Variants in RAI14 observed in about 807,000 individuals in gnomAD.
RAI14 encodes the protein ankycorbin.
A neutral mutation model predicts 115.4 loss-of-function variants in RAI14; 45 were observed. The ratio of observed to expected loss-of-function variants is 0.39; its 90% CI spans 0.31 to 0.50. The LOEUF is 0.50. Among genes scored for constraint, RAI14 ranks in the 20% least tolerant of loss-of-function variants. The pLI is 0.85. For synonymous variants in RAI14, 371 were observed against 415.4 expected, an observed-to-expected ratio of 0.89 and a Z score of 1.30; for missense variants, 939 against 1,131.2, an observed-to-expected ratio of 0.83 and a Z score of 2.44.
At chr5:34,656,806 G>T in intron 1 of RAI14, 1 of 153,044 alleles carries the variant, frequency 6.5e-6, no homozygotes, top group South Asian at 1.9e-4. Context: ...CAGGGGCCGC[G>T]GCGGAGGGAG....
intron 12 of RAI14, among the ~76,000 whole-genome samples, chr5:34,817,072 T>TCGAGA (rs757212878): frequency 6.6e-6 from 1 of 151,818 alleles, no homozygotes; most frequent in East Asian, 1.9e-4. Flanking sequence ...GGTCAGGAGA[T>TCGAGA]CGAGACCGTC....
At chr5:34,804,941 T>A (rs1490031413) in intron 5 of RAI14, among the ~76,000 whole-genome samples, 1 of 152,202 alleles carries the variant, frequency 6.6e-6, no homozygotes, top group African/African-American at 2.4e-5. Flanking sequence ...ACTTTGCATC[T>A]GACTCTGATT....
chr5:34,789,625 G>A (rs1561365940), intron 3 of RAI14, among the ~76,000 whole-genome samples: 2 of 152,148 alleles, frequency 1.3e-5, no homozygotes, highest in Non-Finnish European at 2.9e-5. Flanking sequence ...AAGCAGTGGT[G>A]GTTCTGATTT....
intron 3 of RAI14, among the ~76,000 whole-genome samples, chr5:34,758,116 C>T (rs1271236163): frequency 2.0e-5 from 3 of 152,170 alleles, no homozygotes. Flanking sequence ...TTGTTTATAT[C>T]CATTCTTACG....
chr5:34,733,716 A>G (rs1181672259), intron 2 of RAI14, among the ~76,000 whole-genome samples: 1 of 152,164 alleles, frequency 6.6e-6, no homozygotes, highest in Non-Finnish European at 1.5e-5. Context: ...TTGGGGACAG[A>G]GAGGAAGCAC....
At chr5:34,786,220 T>TG (rs1022452666) in intron 3 of RAI14, among the ~76,000 whole-genome samples, 9 of 152,244 alleles carry the variant, frequency 5.9e-5, no homozygotes, top group Admixed American at 2.6e-4. Flanking sequence ...CCTGTTGATC[T>TG]GGGGGGGTGT....
At chr5:34,758,161 G>A (rs1412577683) in intron 3 of RAI14, among the ~76,000 whole-genome samples, 1 of 152,190 alleles carries the variant, frequency 6.6e-6, no homozygotes, top group Admixed American at 6.5e-5. Flanking sequence ...TGACTTTGGA[G>A]CCAGATAGAC....
chr5:34,679,670 C>T lies in RAI14; in HGVS notation c.-48-7202C>T, dbSNP rs768084772. On this transcript the variant is annotated intron_variant, in intron 1 of 17. Coordinates refer to ENST00000265109, the MANE Select transcript of RAI14 (RefSeq NM_015577.3). ...TCAGCATCTTCAGGTAGGCTTAGCA[C>T]GTGACTGGGGGGATGCTGCACAAGG... is the stretch of plus-strand genomic sequence containing the variant. Among the ~76,000 whole-genome samples, 24 of 151,950 alleles carry T rather than the reference C, an allele frequency of 1.6e-4. 1 individual carries two copies. In the South Asian group the frequency reaches 4.6e-3, roughly 29 times the overall value.
chr5:34,661,424 T>A (rs1167581738), intron 1 of RAI14, among the ~76,000 whole-genome samples: 2 of 152,182 alleles, frequency 1.3e-5, no homozygotes, highest in Non-Finnish European at 2.9e-5. Context: ...CAAATGGATA[T>A]GCTTTTTGTT....
chr5:34,657,242 G>C (rs1489172194), intron 1 of RAI14: 1 of 148,566 alleles, frequency 6.7e-6, no homozygotes, highest in Non-Finnish European at 1.5e-5. Context: ...GCCTGGTGGG[G>C]GGTGGGGGGT....
chr5:34,778,055 T>G (rs1314356926), intron 3 of RAI14, among the ~76,000 whole-genome samples: 4 of 152,200 alleles, frequency 2.6e-5, no homozygotes, highest in African/African-American at 9.7e-5. Context: ...GTGATGGATA[T>G]CCCAAATGCT....
chr5:34,704,976 T>G (rs1298268435), intron 2 of RAI14, among the ~76,000 whole-genome samples: 1 of 152,200 alleles, frequency 6.6e-6, no homozygotes, highest in Non-Finnish European at 1.5e-5. Context: ...TTCTTTCTTT[T>G]AGAGACAGGG....
intron 4 of RAI14, among the ~76,000 whole-genome samples, chr5:34,802,046 GA>G (rs936012776): frequency 2.7e-5 from 4 of 148,064 alleles, no homozygotes; most frequent in South Asian, 4.2e-4. Context: ...CCTGGGCTCA[GA>G]AAAAAAAAAG....
intron 2 of RAI14, among the ~76,000 whole-genome samples, chr5:34,750,403 G>A (rs1023789395): frequency 6.6e-6 from 1 of 152,108 alleles, no homozygotes; most frequent in Non-Finnish European, 1.5e-5. Flanking sequence ...GTCTGTAACT[G>A]TACCAGATTC....
At chr5:34,662,156 C>T (rs1438235485) in intron 1 of RAI14, among the ~76,000 whole-genome samples, 1 of 152,086 alleles carries the variant, frequency 6.6e-6, no homozygotes, top group East Asian at 1.9e-4. Context: ...TCATCATTGC[C>T]CTGACTTTGT....
At chr5:34,776,009 GAAGCAAC>G (rs1308471257) in intron 3 of RAI14, among the ~76,000 whole-genome samples, 6 of 152,126 alleles carry the variant, frequency 3.9e-5, no homozygotes, top group African/African-American at 1.4e-4. Flanking sequence ...CCATTATTTG[GAAGCAAC>G]CTAAGTGTCC....
intron 5 of RAI14, among the ~76,000 whole-genome samples, chr5:34,804,422 C>G (rs191765850): frequency 3.5e-4 from 54 of 152,300 alleles, no homozygotes; most frequent in Non-Finnish European, 6.0e-4. Flanking sequence ...CCAGTTGTTG[C>G]CAGTCAAAAT....
chr5:34,659,636 A>T (rs760002141), intron 1 of RAI14, among the ~76,000 whole-genome samples: 2 of 152,094 alleles, frequency 1.3e-5, no homozygotes, highest in African/African-American at 2.4e-5. Flanking sequence ...TTTTACTATA[A>T]CAGTTTGTAC....
At chr5:34,812,231 T>C in intron 10 of RAI14, 23 bp downstream of exon 10, 1 of 1,561,594 alleles carries the variant, frequency 6.4e-7, no homozygotes, top group Non-Finnish European at 8.8e-7. Flanking sequence ...GGGGGAGGCT[T>C]CTATGTTTCA....
Sources: gnomAD v4.1 joint callset for allele counts (sites outside exome capture counted in the v4.1 genomes callset) on GRCh38, gnomAD v4.1.1 for gene constraint, MANE v1.5 for transcripts, NCBI Gene and HGNC (gene_info 2026-07-23, HGNC 2026-07-21) for gene names.